The following PKNOX2 variants were observed in gnomAD, a reference collection of about 807,000 sequenced individuals.
The protein encoded by PKNOX2 is PBX/knotted 1 homeobox 2, also known as homeobox protein PKNOX2.
A neutral mutation model predicts 53.1 loss-of-function variants in PKNOX2; 14 were observed. The ratio of observed to expected loss-of-function variants is 0.26; its 90% CI spans 0.17 to 0.41. The LOEUF (loss-of-function observed/expected upper bound fraction) is 0.41, where lower values mean the gene tolerates loss of function less well. Among genes scored for constraint, PKNOX2 ranks in the 10% least tolerant of loss-of-function variants. PKNOX2 has a pLI of 1.00. For synonymous variants in PKNOX2, 257 were observed against 242.8 expected (o/e 1.06, Z -0.54); for missense variants, 496 against 602.8 (o/e 0.82, Z 1.85).
At chr11:125,431,027 G>T (rs2135709401) in intron 12 of PKNOX2, 139 bp from the exon 13 acceptor site, 2 of 1,433,004 alleles carry the variant, frequency 1.4e-6, no homozygotes, top group Middle Eastern at 1.8e-4. Flanking sequence ...CCAGGGCATT[G>T]TCCAGCTCAG....
In PKNOX2 at chr11:125,429,004, C is replaced by T. The variant is rs373296431; in HGVS notation, c.937-8C>T. On this transcript the variant is annotated splice_region_variant and splice_polypyrimidine_tract_variant and intron_variant, in intron 10 of 12. Coordinates refer to ENST00000298282, the MANE Select transcript of PKNOX2 (RefSeq NM_001382323.2). ...CCAGCCCTCACTAGTCTCCACCTCT[C>T]GTTTCAGCACCCCTACCCCACGGAG... The T allele has an allele frequency of 6.8e-5, 110 of 1,611,440 alleles. No homozygotes were observed. The highest frequency in any genetic ancestry group is 3.3e-4 in the Middle Eastern group (2 of 6,080).
intron 3 of PKNOX2, among the ~76,000 whole-genome samples, chr11:125,346,685 G>A (rs562681133): frequency 6.6e-6 from 1 of 152,294 alleles, no homozygotes; most frequent in East Asian, 1.9e-4. Flanking sequence ...GCTTGTATGT[G>A]TCGGAGGACA....
At position 125,165,611 on chromosome 11, in the gene PKNOX2, G is replaced by C. The variant is rs1043441442; in HGVS notation, c.-201+835G>C. On this transcript the variant is annotated intron_variant, in intron 1 of 12. Coordinates refer to ENST00000298282, the MANE Select transcript of PKNOX2 (RefSeq NM_001382323.2). The surrounding 1 kb of genome is among the most constrained non-coding windows in gnomAD (Gnocchi z 4.5). ...AGTGGAGACAGGGGAACACCGGCGG[G>C]GCCCGGGAAGCCAGGATCCGAGGGG... 6.6e-6 allele frequency among the ~76,000 whole-genome samples: 1 copy of C among 152,182 alleles called. No homozygotes were observed. Among genetic ancestry groups the C allele is most frequent in the Non-Finnish European group, 1.5e-5 (1 of 68,028 alleles).
chr11:125,431,127 C>T (rs1335940206), intron 12 of PKNOX2, 39 bp from the exon 13 acceptor site: 1 of 1,598,388 alleles, frequency 6.3e-7, no homozygotes, highest in Non-Finnish European at 8.5e-7. Context: ...CCCTGACCAG[C>T]AGCCCCTGCC....
chr11:125,420,999 G>A (rs1235230198), intron 10 of PKNOX2, among the ~76,000 whole-genome samples: 1 of 152,100 alleles, frequency 6.6e-6, no homozygotes, highest in Non-Finnish European at 1.5e-5. Context: ...GTGGCTTTTA[G>A]GACTGGCCAG....
At chr11:125,276,812 A>C (rs924150651) in intron 2 of PKNOX2, among the ~76,000 whole-genome samples, 4 of 152,172 alleles carry the variant, frequency 2.6e-5, no homozygotes, top group Non-Finnish European at 5.9e-5. Flanking sequence ...AAGTGAGTCT[A>C]GTCAGCAAAT....
intron 5 of PKNOX2, among the ~76,000 whole-genome samples, chr11:125,380,276 T>C (rs573075331): frequency 3.6e-4 from 55 of 152,354 alleles, no homozygotes; most frequent in African/African-American, 1.3e-3. Context: ...TCTTCTGCAG[T>C]AAAATGTCAT....
intron 6 of PKNOX2, among the ~76,000 whole-genome samples, chr11:125,392,064 T>C (rs1282045766): frequency 1.3e-5 from 2 of 152,240 alleles, no homozygotes; most frequent in Non-Finnish European, 2.9e-5. Flanking sequence ...GGAGTTACTA[T>C]TTTTTCACTG....
intron 6 of PKNOX2, among the ~76,000 whole-genome samples, chr11:125,393,444 C>T (rs539802319): frequency 2.0e-5 from 3 of 152,112 alleles, no homozygotes; most frequent in Non-Finnish European, 4.4e-5. Flanking sequence ...ACAAGGTCAT[C>T]GCCCAGTGAC....
At chr11:125,404,359 C>T (rs746305834) in intron 7 of PKNOX2, among the ~76,000 whole-genome samples, 1 of 150,174 alleles carries the variant, frequency 6.7e-6, no homozygotes, top group Non-Finnish European at 1.5e-5. Context: ...AGAGCAGCAG[C>T]TGCTGCTTGT....
chr11:125,245,066 A>G lies in PKNOX2; in HGVS notation c.-130+9951A>G, dbSNP rs574431033. On this transcript the variant is annotated intron_variant, in intron 2 of 12. Transcript: ENST00000298282. Reference sequence around the variant, plus strand: ...TATAACTTTAAACCCAATTTTTAAAAAAGTGTATCAAGTGACCCATCTGGG... The same window carrying G: ...TATAACTTTAAACCCAATTTTTAAAGAAGTGTATCAAGTGACCCATCTGGG... Among the ~76,000 whole-genome samples the G allele has an allele frequency of 2.0e-5, 3 of 152,282 alleles. No individual in the cohort carries two copies. In the South Asian group the frequency reaches 6.2e-4, roughly 32 times the overall value.
In PKNOX2 at chr11:125,342,107, C is replaced by A. The variant is rs995792252; in HGVS notation, c.-22-9177C>A. On this transcript the variant is annotated intron_variant, in intron 3 of 12. Transcript: ENST00000298282. ...GTATGAGCGTCTCAGGAACTAGTGGCTTTTCAATGATAAATTGAATGCACA... is the reference window on the plus strand; with the variant it reads ...GTATGAGCGTCTCAGGAACTAGTGGATTTTCAATGATAAATTGAATGCACA... Among the ~76,000 whole-genome samples the A allele has an allele frequency of 1.4e-4, 21 of 151,454 alleles. 1 individual carries two copies. Among genetic ancestry groups the A allele is most frequent in the African/African-American group, 5.1e-4 (21 of 41,180 alleles).
chr11:125,290,495 T>C (rs913178063), intron 2 of PKNOX2, among the ~76,000 whole-genome samples: 2 of 152,132 alleles, frequency 1.3e-5, no homozygotes, highest in African/African-American at 2.4e-5. Flanking sequence ...AATGAATAAA[T>C]GGGTGAGTGA....
chr11:125,384,093 G>A (rs774059027), intron 5 of PKNOX2, among the ~76,000 whole-genome samples: 6 of 152,196 alleles, frequency 3.9e-5, no homozygotes, highest in Non-Finnish European at 5.9e-5. Flanking sequence ...CCATGCACTC[G>A]CATGCACACA....
chr11:125,286,135 G>A (rs59304527), intron 2 of PKNOX2, among the ~76,000 whole-genome samples: 8,468 of 152,236 alleles, frequency 0.056, 743 homozygotes, highest in African/African-American at 0.19. Flanking sequence ...TGCACACTCC[G>A]TTCATGACGG....
chr11:125,296,740 A>T (rs1210828980), intron 2 of PKNOX2, among the ~76,000 whole-genome samples: 1 of 152,098 alleles, frequency 6.6e-6, no homozygotes, highest in Non-Finnish European at 1.5e-5. Context: ...GGTTCAAGCG[A>T]TTCTCCTGCT....
intron 7 of PKNOX2, among the ~76,000 whole-genome samples, chr11:125,408,740 G>A (rs1257603950): frequency 6.6e-6 from 1 of 152,062 alleles, no homozygotes; most frequent in East Asian, 1.9e-4. Flanking sequence ...GAGGAGATTC[G>A]CCATGGCTGT....
chr11:125,181,440 G>A (rs1002520923), intron 1 of PKNOX2, among the ~76,000 whole-genome samples: 3 of 151,994 alleles, frequency 2.0e-5, no homozygotes, highest in African/African-American at 7.2e-5. Flanking sequence ...TAGCAGGAGA[G>A]AGGCTTTGCC....
rs76629580 is a variant in PKNOX2, at chr11:125,397,132, A to C, written c.400-742A>C. Among the ~76,000 whole-genome samples, 1,282 of 152,330 alleles carry C rather than the reference A, an allele frequency of 8.4e-3. 15 individuals carry two copies. The highest frequency in any genetic ancestry group is 0.03 in the African/African-American group (1,229 of 41,564). On this transcript the variant is annotated intron_variant, in intron 6 of 12. Coordinates refer to ENST00000298282, the MANE Select transcript of PKNOX2 (RefSeq NM_001382323.2). ...AGCTTCTTGCCACGAAAAGGTTAGG[A>C]ATGTCCATTTGAAGAGGCAGCAGGC...
Sources: gnomAD v4.1 joint callset for allele counts (sites outside exome capture counted in the v4.1 genomes callset) on GRCh38, gnomAD v4.1.1 for gene constraint, Gnocchi (gnomAD v3.1) non-coding constraint, MANE v1.5 for transcripts, NCBI Gene and HGNC (gene_info 2026-07-23, HGNC 2026-07-21) for gene names.